FSTL5: variants seen among roughly 807,000 people sequenced by gnomAD.
The protein encoded by FSTL5 is follistatin-related protein 5.
In FSTL5, 62 loss-of-function variants were observed where a neutral mutation model predicts 89.1. The ratio of observed to expected loss-of-function variants is 0.70; its 90% CI spans 0.57 to 0.86. The LOEUF (loss-of-function observed/expected upper bound fraction) is 0.86. Among genes scored for constraint, FSTL5 ranks in the 40% least tolerant of loss-of-function variants. FSTL5 has a pLI of 0.00. For missense variants in FSTL5, 1,057 were observed against 1,001.6 expected, an observed-to-expected ratio of 1.06 and a Z score of -0.75; for synonymous variants, 383 against 346.2, an observed-to-expected ratio of 1.11 and a Z score of -1.18.
intron 7 of FSTL5, among the ~76,000 whole-genome samples, chr4:161,600,604 T>A (rs1463004610): frequency 2.0e-5 from 3 of 152,144 alleles, no homozygotes; most frequent in Admixed American, 2.0e-4. Flanking sequence ...TCTTGTTTCC[T>A]AAATCGACTT....
At chr4:162,144,113 G>A (rs1732876731) in intron 1 of FSTL5, among the ~76,000 whole-genome samples, 2 of 152,116 alleles carry the variant, frequency 1.3e-5, no homozygotes, top group Non-Finnish European at 2.9e-5. Flanking sequence ...GAACAGGGAC[G>A]AGGCTTCATT....
At chr4:162,051,558 C>T (rs1223065959) in intron 2 of FSTL5, among the ~76,000 whole-genome samples, 1 of 151,364 alleles carries the variant, frequency 6.6e-6, no homozygotes, top group Non-Finnish European at 1.5e-5. Flanking sequence ...TTCTTTTAAA[C>T]ACACATTAAC....
At chr4:161,578,316 T>C (rs149814440) in intron 8 of FSTL5, among the ~76,000 whole-genome samples, 2 of 151,952 alleles carry the variant, frequency 1.3e-5, no homozygotes, top group Non-Finnish European at 2.9e-5. Context: ...AAAATAAATT[T>C]AGGAAAAAGA....
In FSTL5 at chr4:161,669,229, T is replaced by A. The variant is rs558486924; in HGVS notation, c.728-12735A>T. On this transcript the variant is annotated intron_variant, in intron 6 of 15. Transcript: ENST00000306100. ...TATCAAGATATCAGTTTTTCTCCACTCCATCTTTAAATTTAATGCAATCCC... is the reference window on the plus strand; with the variant it reads ...TATCAAGATATCAGTTTTTCTCCACACCATCTTTAAATTTAATGCAATCCC... Among the ~76,000 whole-genome samples, 4 of 152,146 alleles carry A rather than the reference T, an allele frequency of 2.6e-5. No homozygotes were observed. In the South Asian group the frequency reaches 8.3e-4, roughly 32 times the overall value.
At chr4:161,681,795 T>C (rs927585214) in intron 6 of FSTL5, among the ~76,000 whole-genome samples, 6 of 152,168 alleles carry the variant, frequency 3.9e-5, no homozygotes, top group African/African-American at 1.4e-4. Flanking sequence ...TAAGACTTTG[T>C]GTATGTTGTC....
chr4:161,406,539 A>G (rs1036434952), intron 15 of FSTL5, among the ~76,000 whole-genome samples: 2 of 152,110 alleles, frequency 1.3e-5, no homozygotes, highest in Non-Finnish European at 2.9e-5. Flanking sequence ...TGGTTAGTTT[A>G]TGGTGTCATT....
At chr4:162,066,588 C>G (rs193013228) in intron 2 of FSTL5, among the ~76,000 whole-genome samples, 2,023 of 145,976 alleles carry the variant, frequency 0.014, 63 homozygotes, top group African/African-American at 0.05. Context: ...CCCTTGCCCC[C>G]CCACCCCCTG....
rs895063189 is a variant in FSTL5 at position 161,404,372 on chromosome 4, C to T, written c.1842-17923G>A. Among the ~76,000 whole-genome samples, 46 of 151,644 alleles carry T rather than the reference C, an allele frequency of 3.0e-4. 2 individuals are homozygous for T. The highest frequency in any genetic ancestry group is 1.6e-3 in the Admixed American group (25 of 15,216). On this transcript the variant is annotated intron_variant, in intron 15 of 15. Transcript: ENST00000306100. ...GAATTCTTAATGTATAGTGGAGATC[C>T]CAGATAAACGAGGCAGGACACATGT...
In FSTL5 at chr4:161,402,823, CT is replaced by C. The variant is rs145198636; in HGVS notation, c.1842-16375del. 6.9e-3 allele frequency among the ~76,000 whole-genome samples: 973 copies of C among 140,896 alleles called. 11 individuals are homozygous for C. Among genetic ancestry groups the C allele is most frequent in the East Asian group, 0.057 (278 of 4,872 alleles). 92.4% of individuals were successfully genotyped at this position (140,896 alleles called of 152,430 possible). A position where few individuals can be genotyped will look rare whatever the true frequency, so the allele number is the denominator to read the frequency against. ...AATAGTAATTAGTTACTTGCCAGAA[CT>C]TTTTTTTTTTTTTTTGAGATGGAGT... On this transcript the variant is annotated intron_variant, in intron 15 of 15. Coordinates refer to ENST00000306100, the MANE Select transcript of FSTL5 (RefSeq NM_020116.5).
rs370721984 is a variant in FSTL5, at chr4:161,605,548, A to C, written c.895-17973T>G. On this transcript the variant is annotated intron_variant, in intron 7 of 15. Coordinates refer to ENST00000306100, the MANE Select transcript of FSTL5 (RefSeq NM_020116.5). ...TCCTGTAAATGAACACAACTGCCATAATAACTGCTATGAGGAAACTGCCTC... is the reference window on the plus strand; with the variant it reads ...TCCTGTAAATGAACACAACTGCCATCATAACTGCTATGAGGAAACTGCCTC... Among the ~76,000 whole-genome samples the C allele has an allele frequency of 2.3e-3, 356 of 152,300 alleles. 2 individuals carry two copies. Among genetic ancestry groups the C allele is most frequent in the East Asian group, 6.9e-3 (36 of 5,184 alleles).
At chr4:161,918,870 T>C (rs955129923) in intron 4 of FSTL5, among the ~76,000 whole-genome samples, 16 of 152,176 alleles carry the variant, frequency 1.1e-4, no homozygotes, top group Non-Finnish European at 1.5e-5. Flanking sequence ...TTTGAACTCC[T>C]GACTTCAGGT....
chr4:161,826,541 T>C (rs1730675490), intron 4 of FSTL5, among the ~76,000 whole-genome samples: 1 of 152,188 alleles, frequency 6.6e-6, no homozygotes, highest in East Asian at 1.9e-4. Flanking sequence ...TGTCTGGTAG[T>C]AATTGTTTTA....
At chr4:162,071,533 A>G (rs1729623242) in intron 2 of FSTL5, among the ~76,000 whole-genome samples, 1 of 151,814 alleles carries the variant, frequency 6.6e-6, no homozygotes, top group African/African-American at 2.4e-5. Flanking sequence ...ATAGACTCCA[A>G]TACAATAAGA....
chr4:161,766,513 A>T (rs1336764745), intron 5 of FSTL5, among the ~76,000 whole-genome samples: 1 of 152,182 alleles, frequency 6.6e-6, no homozygotes, highest in South Asian at 2.1e-4. Context: ...ATGGTTCCCC[A>T]TATTGCTCTG....
chr4:161,861,804 G>T (rs1731925803), intron 4 of FSTL5, among the ~76,000 whole-genome samples: 1 of 152,194 alleles, frequency 6.6e-6, no homozygotes, highest in Admixed American at 6.5e-5. Flanking sequence ...AAGATGGAAA[G>T]AAAATATATA....
intron 4 of FSTL5, among the ~76,000 whole-genome samples, chr4:161,888,215 T>C (rs1291483862): frequency 6.6e-6 from 1 of 152,172 alleles, no homozygotes; most frequent in Non-Finnish European, 1.5e-5. Context: ...GACTGAGTTT[T>C]GGCTGGTGAA....
At chr4:161,909,253 T>C (rs1397031370) in intron 4 of FSTL5, among the ~76,000 whole-genome samples, 2 of 152,148 alleles carry the variant, frequency 1.3e-5, no homozygotes, top group Non-Finnish European at 2.9e-5. Flanking sequence ...CTAGAGTCTC[T>C]ACAATAAAGC....
rs937274956 is a variant in FSTL5, at chr4:162,017,844, G to A, written c.160+15781C>T. The stretch of plus-strand genomic sequence containing the variant: ...TCCAGAGTCCCTTATTTAAACTTCC[G>A]TAAATGCAAATTTCCCTACTCCTTT... On this transcript the variant is annotated intron_variant, in intron 3 of 15. Coordinates refer to ENST00000306100, the MANE Select transcript of FSTL5 (RefSeq NM_020116.5). 3.3e-5 allele frequency among the ~76,000 whole-genome samples: 5 copies of A among 152,028 alleles called. No individual in the cohort carries two copies. The East Asian group carries it at 5.8e-4, about 18-fold the overall frequency.
chr4:161,836,004 C>T (rs1469260040), intron 4 of FSTL5, among the ~76,000 whole-genome samples: 1 of 152,082 alleles, frequency 6.6e-6, no homozygotes, highest in Non-Finnish European at 1.5e-5. Context: ...CACATGCACA[C>T]ATATGTTTAT....
Sources: allele counts gnomAD v4.1 joint callset (sites outside exome capture counted in the v4.1 genomes callset), GRCh38; gene constraint gnomAD v4.1.1; transcripts MANE v1.5; gene names NCBI Gene and HGNC (gene_info 2026-07-23, HGNC 2026-07-21).